Variants in RNLS observed in about 807,000 individuals in gnomAD.
RNLS encodes renalase.
Under a neutral mutation model 39.8 loss-of-function variants are expected in RNLS, and 39 were observed. The observed-to-expected ratio is 0.98, with a 90% CI of 0.76 to 1.28. The LOEUF is 1.28. Ranked by LOEUF, RNLS falls within the 50% of genes most tolerant of loss-of-function variation. The pLI is 0.00. For synonymous variants in RNLS, 147 were observed against 150.7 expected (o/e 0.98, Z 0.18); for missense variants, 410 against 413.3 (o/e 0.99, Z 0.07).
intron 5 of RNLS, among the ~76,000 whole-genome samples, chr10:88,346,929 T>A (rs1392027052): frequency 2.0e-5 from 3 of 152,166 alleles, no homozygotes; most frequent in Admixed American, 2.0e-4. Context: ...ACATTTAGAC[T>A]GATCTGAAGA....
rs559677096 is a variant in RNLS at position 88,286,982 on chromosome 10, TCTCA to T, written c.877-1480_877-1477del. Among the ~76,000 whole-genome samples the T allele has an allele frequency of 2.0e-3, 307 of 151,774 alleles. 1 individual carries two copies. Among genetic ancestry groups the T allele is most frequent in the African/African-American group, 6.9e-3 (285 of 41,396 alleles). On this transcript the variant is annotated intron_variant, in intron 6 of 6. Coordinates refer to ENST00000331772, the MANE Select transcript of RNLS (RefSeq NM_001031709.3). ...ATTAAAAAAAAATTTAGAGATGGGGTCTCACTATGTTGCCCAGGCTGGTCTTGAA... is the reference window on the plus strand; with the variant it reads ...ATTAAAAAAAAATTTAGAGATGGGGTCTATGTTGCCCAGGCTGGTCTTGAA...
At chr10:88,435,482 A>C (rs185586779) in intron 4 of RNLS, among the ~76,000 whole-genome samples, 17 of 152,298 alleles carry the variant, frequency 1.1e-4, no homozygotes, top group Middle Eastern at 3.4e-3. Context: ...AAAAATTAAA[A>C]TTATAAGTAA....
the RNLS span, among the ~76,000 whole-genome samples, chr10:88,235,380 G>A: frequency 6.6e-6 from 1 of 151,614 alleles, no homozygotes; most frequent in African/African-American, 2.4e-5. Context: ...AAGCACGACT[G>A]ATTTTATTAC....
chr10:88,429,407 T>C (rs1257749411), intron 4 of RNLS, among the ~76,000 whole-genome samples: 2 of 152,008 alleles, frequency 1.3e-5, no homozygotes, highest in Non-Finnish European at 2.9e-5. Flanking sequence ...CCTTTGAATG[T>C]AATTCAAATT....
At chr10:88,575,280 GTGTA>G (rs1850135518) in intron 3 of RNLS, among the ~76,000 whole-genome samples, 1 of 143,652 alleles carries the variant, frequency 7.0e-6, no homozygotes, top group African/African-American at 2.6e-5. Context: ...GTGTGTGTGT[GTGTA>G]TATATATATA....
intron 4 of RNLS, among the ~76,000 whole-genome samples, chr10:88,566,246 C>A (rs78779980): frequency 0.013 from 2,003 of 151,630 alleles, 48 homozygotes; most frequent in African/African-American, 0.045. Flanking sequence ...ATAAATATTT[C>A]TGTTAATAAA....
intron 4 of RNLS, among the ~76,000 whole-genome samples, chr10:88,363,023 T>G (rs1849760456): frequency 6.6e-6 from 1 of 152,224 alleles, no homozygotes; most frequent in South Asian, 2.1e-4. Flanking sequence ...GTCCTTGGAC[T>G]GTCTGGCCAC....
At chr10:88,376,817 TACATTC>T (rs1374396913) in intron 4 of RNLS, among the ~76,000 whole-genome samples, 1 of 152,170 alleles carries the variant, frequency 6.6e-6, no homozygotes, top group Non-Finnish European at 1.5e-5. Context: ...TATAAAATCA[TACATTC>T]ACATTCACAA....
chr10:88,301,148 T>A (rs1005396525), intron 6 of RNLS, among the ~76,000 whole-genome samples: 10 of 152,298 alleles, frequency 6.6e-5, no homozygotes, highest in Admixed American at 5.2e-4. Context: ...GAGAAAAAAA[T>A]GACTTCATTA....
intron 4 of RNLS, among the ~76,000 whole-genome samples, chr10:88,396,993 C>T (rs1852602361): frequency 6.6e-6 from 1 of 151,872 alleles, no homozygotes; most frequent in South Asian, 2.1e-4. Flanking sequence ...CAAAAACTTA[C>T]AGAAGTGAAT....
chr10:88,199,768 C>T, the RNLS span, among the ~76,000 whole-genome samples: 3 of 152,144 alleles, frequency 2.0e-5, no homozygotes, highest in South Asian at 2.1e-4. Flanking sequence ...CTAAACAAGA[C>T]GAAGTCATTC....
chr10:88,575,352 G>A (rs1470266416), intron 3 of RNLS, among the ~76,000 whole-genome samples: 2 of 151,008 alleles, frequency 1.3e-5, no homozygotes, highest in African/African-American at 4.9e-5. Context: ...ACTAGAAAAT[G>A]CACATTCCTG....
chr10:88,275,568 C>G (rs1842783983), intron 6 of RNLS, among the ~76,000 whole-genome samples: 1 of 151,906 alleles, frequency 6.6e-6, no homozygotes, highest in South Asian at 2.1e-4. Context: ...GAAGAGTGTA[C>G]AGTAGTAAAA....
intron 4 of RNLS, among the ~76,000 whole-genome samples, chr10:88,436,682 A>C (rs1024919385): frequency 6.6e-6 from 1 of 152,176 alleles, no homozygotes; most frequent in African/African-American, 2.4e-5. Context: ...CTATAAAACT[A>C]TTCTTTGGGC....
the RNLS span, among the ~76,000 whole-genome samples, chr10:88,207,029 A>G: frequency 6.6e-6 from 1 of 152,148 alleles, no homozygotes; most frequent in Non-Finnish European, 1.5e-5. Context: ...CCTACATACA[A>G]TTTTAATACA....
chr10:88,530,732 CTG>C (rs1272333245), intron 4 of RNLS, among the ~76,000 whole-genome samples: 2 of 152,018 alleles, frequency 1.3e-5, no homozygotes, highest in Non-Finnish European at 2.9e-5. Context: ...CTCATAGTGA[CTG>C]TATGTAAATG....
intron 4 of RNLS, among the ~76,000 whole-genome samples, chr10:88,437,090 T>C (rs1374293910): frequency 6.6e-6 from 1 of 152,246 alleles, no homozygotes; most frequent in African/African-American, 2.4e-5. Context: ...AATTGCACAT[T>C]ATGCCCTGCC....
chr10:88,278,241 G>T (rs1299067948), intron 6 of RNLS, among the ~76,000 whole-genome samples: 1 of 151,816 alleles, frequency 6.6e-6, no homozygotes, highest in Non-Finnish European at 1.5e-5. Context: ...TCTCCACAAC[G>T]GTCTCTGTAT....
At chr10:88,507,257 A>G (rs1342130965) in intron 4 of RNLS, among the ~76,000 whole-genome samples, 1 of 152,114 alleles carries the variant, frequency 6.6e-6, no homozygotes, top group Non-Finnish European at 1.5e-5. Context: ...CCTGTCCCAA[A>G]GACACACACA....
Sources: gnomAD v4.1 joint callset for allele counts (sites outside exome capture counted in the v4.1 genomes callset) on GRCh38, gnomAD v4.1.1 for gene constraint, MANE v1.5 for transcripts, NCBI Gene and HGNC (gene_info 2026-07-23, HGNC 2026-07-21) for gene names.